The following ACSF3 variants were observed in gnomAD, a reference collection of about 807,000 sequenced individuals.
The protein encoded by ACSF3 is malonate--CoA ligase ACSF3, mitochondrial.
A neutral mutation model predicts 53.2 loss-of-function variants in ACSF3; 78 were observed. The ratio of observed to expected loss-of-function variants is 1.47; its 90% CI spans 1.22 to 1.77. The LOEUF (loss-of-function observed/expected upper bound fraction) is 1.77. ACSF3 is among the 40% of genes most tolerant of loss of function. The probability of loss-of-function intolerance (pLI) is 0.00; values close to 1 mark genes in which losing one functional copy is unlikely to be tolerated. For synonymous variants in ACSF3, 414 were observed against 333.1 expected (o/e 1.24, Z -2.65); for missense variants, 937 against 771.1 (o/e 1.22, Z -2.55).
At chr16:89,096,443 C>G (rs916635981) in intron 1 of ACSF3, among the ~76,000 whole-genome samples, 1 of 152,182 alleles carries the variant, frequency 6.6e-6, no homozygotes, top group Non-Finnish European at 1.5e-5. Context: ...TAGGCTCTGT[C>G]TGCGTGTTCG....
chr16:89,121,649 G>A lies in ACSF3; in HGVS notation c.1239+736G>A, dbSNP rs192988138. On this transcript the variant is annotated intron_variant, in intron 7 of 10. Coordinates refer to ENST00000614302, the MANE Select transcript of ACSF3 (RefSeq NM_001243279.3). ...GATACCACACATGATTGACTGTGTT[G>A]CCCTGAGGTTTTCAAAGATCGAGGG... 4.1e-3 allele frequency among the ~76,000 whole-genome samples: 624 copies of A among 152,302 alleles called. 2 individuals are homozygous for A. Among genetic ancestry groups the A allele is most frequent in the African/African-American group, 0.014 (589 of 41,558 alleles).
intron 8 of ACSF3, among the ~76,000 whole-genome samples, chr16:89,141,646 G>A (rs979099587): frequency 6.6e-6 from 1 of 152,240 alleles, no homozygotes. Context: ...GCTTTCCTCT[G>A]TGGGCAGTGG....
intron 8 of ACSF3, among the ~76,000 whole-genome samples, chr16:89,137,447 CA>C (rs1486260063): frequency 7.6e-6 from 1 of 131,376 alleles, no homozygotes; most frequent in South Asian, 2.6e-4. Flanking sequence ...GGAAGAGCCC[CA>C]GGTCTCGGGA....
rs966338610 is a variant in ACSF3, at chr16:89,156,048, G to A, written c.*1841G>A. 6.6e-6 allele frequency among the ~76,000 whole-genome samples: 1 copy of A among 152,172 alleles called. No individual in the cohort carries two copies. Among genetic ancestry groups the A allele is most frequent in the Non-Finnish European group, 1.5e-5 (1 of 68,036 alleles). On this transcript the variant is annotated 3_prime_UTR_variant, in exon 11 of 11. Transcript: ENST00000614302. ...CTCCAAGGACATGCGGTTGAATGCC[G>A]TGTTCTAAAGTCACGAGTGACTCTC...
At chr16:89,117,608 C>T (rs1487467636) in intron 6 of ACSF3, among the ~76,000 whole-genome samples, 3 of 151,810 alleles carry the variant, frequency 2.0e-5, no homozygotes, top group Non-Finnish European at 4.4e-5. Flanking sequence ...CTGAGAGCGT[C>T]AGGAGCAGCC....
chr16:89,114,595 T>A, intron 6 of ACSF3, 108 bp downstream of exon 6: 1 of 1,526,026 alleles, frequency 6.6e-7, no homozygotes. Flanking sequence ...GCATGGAGGA[T>A]GCTCCCCCGT....
chr16:89,149,095 C>T (rs995907668), intron 10 of ACSF3: 7 of 152,204 alleles, frequency 4.6e-5, no homozygotes, highest in African/African-American at 1.7e-4. Flanking sequence ...TTAACAAAAG[C>T]AATCTTTGCT....
chr16:89,144,989 G>A (rs1007107235), intron 8 of ACSF3, among the ~76,000 whole-genome samples: 2 of 152,224 alleles, frequency 1.3e-5, no homozygotes, highest in Non-Finnish European at 2.9e-5. Flanking sequence ...TGGAGGAAGT[G>A]CATACAGCTG....
intron 1 of ACSF3, among the ~76,000 whole-genome samples, chr16:89,098,318 A>G (rs746305031): frequency 2.6e-5 from 4 of 152,244 alleles, no homozygotes; most frequent in Non-Finnish European, 5.9e-5. Flanking sequence ...TTCCCCTCAC[A>G]AGTTAATGAA....
rs751929678 is a variant in ACSF3, at chr16:89,100,964, G to A, written c.283G>A (p.Glu95Lys). Reference protein sequence around the residue: ...LCGCVGGDLREERVSFLCAND... With the variant: ...LCGCVGGDLRKERVSFLCAND... ...CGGGTGTGTCGGCGGGGACCTCCGG[G>A]AGGAGAGGGTCTCCTTCCTATGCGC... The change falls in exon 3 of 11, where the codon GAG (glutamate) becomes AAG (lysine). Residue 95 changes from glutamate to lysine, a missense_variant. Coordinates refer to ENST00000614302, the MANE Select transcript of ACSF3 (RefSeq NM_001243279.3). 2.5e-6 allele frequency: 4 copies of A among 1,613,486 alleles called. No individual in the cohort carries two copies. Among genetic ancestry groups the A allele is most frequent in the Non-Finnish European group, 3.4e-6 (4 of 1,179,962 alleles).
intron 4 of ACSF3, among the ~76,000 whole-genome samples, chr16:89,111,431 T>G (rs1054864791): frequency 2.0e-5 from 3 of 152,232 alleles, no homozygotes; most frequent in Non-Finnish European, 1.5e-5. Flanking sequence ...CTGTGTGTCC[T>G]GGGCCTCCCT....
intron 7 of ACSF3, among the ~76,000 whole-genome samples, chr16:89,125,870 C>T (rs8050311): frequency 0.7 from 105,943 of 151,198 alleles, 37,560 homozygotes; most frequent in Middle Eastern, 0.78. Flanking sequence ...TACTTAGATC[C>T]GTGAACACAG....
At chr16:89,109,229 CAAAAA>C (rs773650798) in intron 4 of ACSF3, among the ~76,000 whole-genome samples, 15 of 68,550 alleles carry the variant, frequency 2.2e-4, no homozygotes, top group South Asian at 5.2e-4. Flanking sequence ...AAGACTGTCT[CAAAAA>C]AAAAAAAAAA....
chr16:89,127,862 G>T (rs1458852080), intron 7 of ACSF3, among the ~76,000 whole-genome samples: 1 of 152,152 alleles, frequency 6.6e-6, no homozygotes, highest in Non-Finnish European at 1.5e-5. Flanking sequence ...TGATTAAAAG[G>T]TTAATAAGGG....
At chr16:89,122,761 T>A (rs1409003103) in intron 7 of ACSF3, 1 of 153,564 alleles carries the variant, frequency 6.5e-6, no homozygotes, top group Admixed American at 6.5e-5. Flanking sequence ...GCAGAAATGT[T>A]GCCAGAGAAA....
rs1346536037 is a variant in ACSF3, at chr16:89,142,555, ACCCACACCT to A, written c.1367-2711_1367-2703del. ...CAGACACACCCACACCTGCAGACAC[ACCCACACCT>A]GCAGACACACCCACACCTGCAGAGA... is the stretch of plus-strand genomic sequence containing the variant. On this transcript the variant is annotated intron_variant, in intron 8 of 10. Transcript: ENST00000614302. 2.6e-4 allele frequency among the ~76,000 whole-genome samples: 39 copies of A among 150,578 alleles called. No homozygotes were observed. In the East Asian group the frequency reaches 7.1e-3, roughly 27 times the overall value.
intron 4 of ACSF3, among the ~76,000 whole-genome samples, chr16:89,104,862 C>T (rs1039776153): frequency 3.3e-5 from 5 of 152,228 alleles, no homozygotes; most frequent in African/African-American, 4.8e-5. Flanking sequence ...CAGCTTTGTA[C>T]GAGCAAGTGA....
At position 89,109,163 on chromosome 16, in the gene ACSF3, C is replaced by T. The variant is rs761358275; in HGVS notation, c.823-2929C>T. ...AGGAGAATTGCTTGAACCCAGGGGGCGGCGATTGCAGTGAGCCAAGATCAC... is the reference window on the plus strand; with the variant it reads ...AGGAGAATTGCTTGAACCCAGGGGGTGGCGATTGCAGTGAGCCAAGATCAC... On this transcript the variant is annotated intron_variant, in intron 4 of 10. Coordinates refer to ENST00000614302, the MANE Select transcript of ACSF3 (RefSeq NM_001243279.3). 6.4e-5 allele frequency among the ~76,000 whole-genome samples: 9 copies of T among 140,614 alleles called. No individual in the cohort carries two copies. In the East Asian group the frequency reaches 9.1e-4, roughly 14 times the overall value. 92.2% of individuals were successfully genotyped at this position (140,614 alleles called of 152,430 possible).
intron 8 of ACSF3, among the ~76,000 whole-genome samples, chr16:89,140,722 C>G (rs1911594173): frequency 6.6e-6 from 1 of 152,154 alleles, no homozygotes; most frequent in African/African-American, 2.4e-5. Context: ...TCCTCCGAGG[C>G]CCACAGACAA....
Sources: allele counts gnomAD v4.1 joint callset (sites outside exome capture counted in the v4.1 genomes callset), GRCh38; gene constraint gnomAD v4.1.1; transcripts MANE v1.5; gene names NCBI Gene and HGNC (gene_info 2026-07-23, HGNC 2026-07-21).